The following COL27A1 variants were observed in gnomAD, a reference collection of about 807,000 sequenced individuals.
COL27A1 encodes collagen alpha-1(XXVII) chain.
COL27A1 carries 106 observed loss-of-function variants against 251.3 expected under a neutral mutation model. That is an observed-to-expected ratio of 0.42 (90% confidence interval 0.36 to 0.50). The LOEUF (loss-of-function observed/expected upper bound fraction) is 0.50. Among genes scored for constraint, COL27A1 ranks in the 20% least tolerant of loss-of-function variants. COL27A1 has a pLI of 0.00. For missense variants in COL27A1, 2,325 were observed against 2,522.8 expected (o/e 0.92, Z 1.68); for synonymous variants, 1,000 against 986.3 (o/e 1.01, Z -0.26).
chr9:114,257,000 G>A (rs1054157373), intron 27 of COL27A1, among the ~76,000 whole-genome samples: 2 of 152,204 alleles, frequency 1.3e-5, no homozygotes, highest in African/African-American at 4.8e-5. Flanking sequence ...ATGGGGCCAA[G>A]CCCGGGTCCA....
At chr9:114,242,041 A>G (rs1564513450) in intron 21 of COL27A1, 146 bp from the exon 22 acceptor site, 1 of 604,208 alleles carries the variant, frequency 1.7e-6, no homozygotes, top group Non-Finnish European at 2.7e-6. Context: ...GGGTGGGGCC[A>G]GGCAGGTGGG....
At chr9:114,285,092 G>A (rs1381844829) in intron 41 of COL27A1, among the ~76,000 whole-genome samples, 3 of 152,200 alleles carry the variant, frequency 2.0e-5, no homozygotes, top group Non-Finnish European at 4.4e-5. Context: ...CTAAAACTGC[G>A]ACTCCATCAT....
intron 41 of COL27A1, among the ~76,000 whole-genome samples, chr9:114,287,737 G>T (rs34514902): frequency 2.4e-3 from 361 of 152,256 alleles, no homozygotes; most frequent in Non-Finnish European, 4.4e-3. Flanking sequence ...ATGCTGACTG[G>T]CTGCCAAGTG....
intron 12 of COL27A1, among the ~76,000 whole-genome samples, chr9:114,211,454 C>T (rs377713657): frequency 1.3e-5 from 2 of 152,240 alleles, no homozygotes; most frequent in Admixed American, 6.5e-5. Flanking sequence ...CTCATGCACA[C>T]GCAAAGCCAG....
chr9:114,243,440 G>T, intron 22 of COL27A1, 67 bp from the exon 23 acceptor site: 2 of 1,360,784 alleles, frequency 1.5e-6, no homozygotes, highest in Admixed American at 1.7e-5. Flanking sequence ...CAGGCCCTTG[G>T]AGCCCCTGGA....
chr9:114,224,926 G>A (rs1588698614), intron 14 of COL27A1, among the ~76,000 whole-genome samples: 1 of 151,976 alleles, frequency 6.6e-6, no homozygotes, highest in Non-Finnish European at 1.5e-5. Flanking sequence ...CAAAGTGCTG[G>A]TACCTCCTGG....
At chr9:114,248,081 G>A (rs533786041) in intron 24 of COL27A1, among the ~76,000 whole-genome samples, 3 of 151,956 alleles carry the variant, frequency 2.0e-5, no homozygotes, top group East Asian at 1.9e-4. Context: ...TAACTTGTCC[G>A]AGATCTCACA....
At chr9:114,307,050 A>G in intron 58 of COL27A1, 1 of 236,534 alleles carries the variant, frequency 4.2e-6, no homozygotes, top group South Asian at 5.8e-5. Flanking sequence ...TGTGAAGGAC[A>G]AGCTGCGGAG....
intron 17 of COL27A1, 102 bp downstream of exon 17, chr9:114,235,754 C>G (rs1031542248): frequency 2.4e-6 from 2 of 840,588 alleles, no homozygotes; most frequent in African/African-American, 1.7e-5. Flanking sequence ...AAGGACCCAC[C>G]TGTAAGACGG....
intron 2 of COL27A1, among the ~76,000 whole-genome samples, chr9:114,163,864 CG>C (rs994916398): frequency 1.5e-5 from 2 of 129,764 alleles, no homozygotes; most frequent in African/African-American, 5.9e-5. Flanking sequence ...GGGCGGGGGG[CG>C]GGGGGAGAGG....
intron 12 of COL27A1, among the ~76,000 whole-genome samples, 193 bp downstream of exon 12, chr9:114,211,219 G>A (rs973960183): frequency 6.6e-6 from 1 of 152,238 alleles, no homozygotes; most frequent in African/African-American, 2.4e-5. Context: ...GGCTGGGGCT[G>A]GGGCTTCCAT....
intron 58 of COL27A1, chr9:114,307,294 C>T (rs549154335): frequency 5.3e-6 from 1 of 189,516 alleles, no homozygotes; most frequent in African/African-American, 2.4e-5. Flanking sequence ...GACTCCTACC[C>T]TCCCCCGGCA....
chr9:114,198,694 A>G (rs770562457), intron 7 of COL27A1, among the ~76,000 whole-genome samples: 7 of 152,248 alleles, frequency 4.6e-5, no homozygotes, highest in East Asian at 1.9e-4. Flanking sequence ...GTAAAAAAAG[A>G]GGCTGCCTGC....
At chr9:114,156,899 C>T (rs1006900929) in intron 1 of COL27A1, among the ~76,000 whole-genome samples, 1 of 152,142 alleles carries the variant, frequency 6.6e-6, no homozygotes, top group African/African-American at 2.4e-5. Context: ...GACGGCGCTC[C>T]TCTCTTTCCA....
chr9:114,309,490 A>G lies in COL27A1; in HGVS notation c.5436+12A>G. The G allele has an allele frequency of 6.2e-7, 1 of 1,607,590 alleles. No individual in the cohort carries two copies. The highest frequency in any genetic ancestry group is 8.5e-7 in the Non-Finnish European group (1 of 1,174,976). On this transcript the variant is annotated intron_variant, in intron 60 of 60. Transcript: ENST00000356083. ...TGGATGGCTGCAAGGTAACTCTCAGAGCCCCTCCTAGGCCCTTCATGTGGG... is the reference window on the plus strand; with the variant it reads ...TGGATGGCTGCAAGGTAACTCTCAGGGCCCCTCCTAGGCCCTTCATGTGGG...
At chr9:114,300,537 G>A in intron 50 of COL27A1, 88 bp from the exon 51 acceptor site, 2 of 1,105,844 alleles carry the variant, frequency 1.8e-6, no homozygotes, top group Non-Finnish European at 2.6e-6. Flanking sequence ...AAGGGCAAAG[G>A]TTGACAGACC....
intron 10 of COL27A1, among the ~76,000 whole-genome samples, chr9:114,206,951 C>T (rs1048574519): frequency 3.3e-5 from 5 of 152,156 alleles, no homozygotes; most frequent in African/African-American, 4.8e-5. Flanking sequence ...CTGGGTGGAC[C>T]GAATGGGGTA....
chr9:114,188,737 G>A (rs1828553963), intron 5 of COL27A1, among the ~76,000 whole-genome samples: 2 of 152,142 alleles, frequency 1.3e-5, no homozygotes, highest in Admixed American at 1.3e-4. Flanking sequence ...TTCTAGAAAG[G>A]TTAAACTGAT....
At chr9:114,250,959 C>T (rs1178664570) in intron 25 of COL27A1, among the ~76,000 whole-genome samples, 2 of 151,984 alleles carry the variant, frequency 1.3e-5, no homozygotes, top group Non-Finnish European at 2.9e-5. Flanking sequence ...GCACAGGGGT[C>T]GGCGAGAGCA....
Sources: allele counts gnomAD v4.1 joint callset (sites outside exome capture counted in the v4.1 genomes callset), GRCh38; gene constraint gnomAD v4.1.1; transcripts MANE v1.5; gene names NCBI Gene and HGNC (gene_info 2026-07-23, HGNC 2026-07-21).